The following MYH11 variants were observed in gnomAD, a reference collection of about 807,000 sequenced individuals.
MYH11 encodes myosin heavy chain 11.
A neutral mutation model predicts 246.6 loss-of-function variants in MYH11; 80 were observed. The ratio of observed to expected loss-of-function variants is 0.32; its 90% CI spans 0.27 to 0.39. The LOEUF is 0.39. Among genes scored for constraint, MYH11 ranks in the 10% least tolerant of loss-of-function variants. The pLI is 1.00. For missense variants in MYH11, 2,158 were observed against 2,546.8 expected (o/e 0.85, Z 3.29); for synonymous variants, 1,071 against 1,015.5 (o/e 1.05, Z -1.04).
Position 15,714,929 on chromosome 16 carries a change from G to T in MYH11, c.5766C>A (p.Asn1922Lys). 6.2e-7 allele frequency: 1 copy of T among 1,614,004 alleles called. No homozygotes were observed. The highest frequency in any genetic ancestry group is 8.5e-7 in the Non-Finnish European group (1 of 1,180,030). The change falls in exon 40 of 41, where the codon AAC becomes AAA. Residue 1922 changes from asparagine (N) to lysine (K), a missense_variant. Physicochemically the swap from Asn to Lys is moderately conservative, Grantham distance 94. Coordinates refer to ENST00000300036, the MANE Select transcript of MYH11 (RefSeq NM_002474.3). ...CTCACCTGAGCTTGCTCTTGAGTGC[G>T]TTCACCTCGCGGCCCATGGCCTCGT... ...ESNEAMGREVNALKSKLRRGN... is the reference protein window; with the variant it reads ...ESNEAMGREVKALKSKLRRGN...
intron 10 of MYH11, 55 bp downstream of exon 10, chr16:15,763,741 T>TCGGCCCCC: frequency 1.1e-5 from 7 of 646,844 alleles, no homozygotes; most frequent in Non-Finnish European, 1.7e-5. Flanking sequence ...AAATGTCACC[T>TCGGCCCCC]CCCCCACCCC....
chr16:15,715,134 G>C, intron 39 of MYH11, 30 bp downstream of exon 39: 2 of 1,612,448 alleles, frequency 1.2e-6, no homozygotes, highest in African/African-American at 1.3e-5. Context: ...GGGGCTGGGG[G>C]CTCGAGGGAG....
intron 3 of MYH11, among the ~76,000 whole-genome samples, chr16:15,799,574 G>A (rs2042832639): frequency 6.6e-6 from 1 of 152,182 alleles, no homozygotes; most frequent in Non-Finnish European, 1.5e-5. Context: ...ATGTGATTAA[G>A]CAGACATTAT....
At chr16:15,818,814 G>T (rs1008765196) in intron 3 of MYH11, among the ~76,000 whole-genome samples, 2 of 152,160 alleles carry the variant, frequency 1.3e-5, no homozygotes, top group Non-Finnish European at 2.9e-5. Context: ...GGCATAGCAG[G>T]TGTTGGTTAA....
At chr16:15,838,563 G>C (rs893020246) in intron 1 of MYH11, among the ~76,000 whole-genome samples, 7 of 152,136 alleles carry the variant, frequency 4.6e-5, no homozygotes, top group Non-Finnish European at 8.8e-5. Flanking sequence ...CCAGTGCTCA[G>C]GAGGCAGGAA....
chr16:15,755,451 T>C (rs1377160743), intron 14 of MYH11, among the ~76,000 whole-genome samples: 1 of 152,144 alleles, frequency 6.6e-6, no homozygotes, highest in African/African-American at 2.4e-5. Flanking sequence ...GCCCCGCCTG[T>C]TGGGTATAAC....
intron 32 of MYH11, 185 bp downstream of exon 32, chr16:15,721,237 C>A: frequency 1.1e-6 from 1 of 935,396 alleles, no homozygotes; most frequent in South Asian, 1.4e-5. Context: ...CCCCCCAACT[C>A]AGACCCATCC....
Position 15,782,327 on chromosome 16 carries a change from C to T in MYH11, c.726+58G>A, listed in dbSNP as rs2042374563. The stretch of plus-strand genomic sequence containing the variant: ...CTCTGCACGCAAACACTCTGCAGCC[C>T]CAGGCAGGAGATGACACCAAAGCTT... On this transcript the variant is annotated intron_variant, in intron 6 of 40. Coordinates refer to ENST00000300036, the MANE Select transcript of MYH11 (RefSeq NM_002474.3). 3.4e-6 allele frequency: 5 copies of T among 1,464,318 alleles called. No homozygotes were observed. In the South Asian group the frequency reaches 5.7e-5, roughly 17 times the overall value. The allele number at this position is 1,464,318 out of a possible 1,614,324, so 90.7% of individuals were successfully genotyped here.
chr16:15,712,498 A>G (rs2039860711), intron 40 of MYH11, among the ~76,000 whole-genome samples: 1 of 152,108 alleles, frequency 6.6e-6, no homozygotes, highest in Non-Finnish European at 1.5e-5. Flanking sequence ...AAATATAAAA[A>G]TAGGCCAAAA....
intron 3 of MYH11, among the ~76,000 whole-genome samples, chr16:15,817,669 A>G (rs1162078481): frequency 1.3e-5 from 2 of 152,166 alleles, no homozygotes; most frequent in African/African-American, 2.4e-5. Context: ...TCTCTTAGAA[A>G]GTCCCTCCCA....
chr16:15,824,029 G>A (rs955593084), intron 2 of MYH11, among the ~76,000 whole-genome samples: 3 of 152,136 alleles, frequency 2.0e-5, no homozygotes, highest in Non-Finnish European at 4.4e-5. Context: ...AACAGCCACC[G>A]TTCATTGAGC....
chr16:15,733,701 C>T (rs1242840104), intron 26 of MYH11, among the ~76,000 whole-genome samples: 1 of 151,844 alleles, frequency 6.6e-6, no homozygotes, highest in Non-Finnish European at 1.5e-5. Context: ...CACCACCACG[C>T]CCGGCTAATT....
intron 3 of MYH11, among the ~76,000 whole-genome samples, chr16:15,805,507 C>A (rs897020073): frequency 4.6e-5 from 7 of 152,126 alleles, no homozygotes; most frequent in Admixed American, 3.9e-4. Context: ...AAATTATGGA[C>A]TTTATTCATA....
In MYH11 at chr16:15,714,974, C is replaced by T; in HGVS notation, c.5721G>A (p.Leu1907=). Residue 1907 remains leucine (L), a synonymous_variant, in exon 40 of 41, where the codon CTG becomes CTA. Transcript: ENST00000300036. ...CCTCGTTGCTCTCCGTGGCCTCATC[C>T]AGCTCCCGCTGCAGCTTCCTGCGGT... ...NANRRKLQRE[L]DEATESNEAM... 1.2e-6 allele frequency: 2 copies of T among 1,614,108 alleles called. No individual in the cohort carries two copies. The highest frequency in any genetic ancestry group is 1.1e-5 in the South Asian group (1 of 91,080).
chr16:15,763,741 T>TCGGGGCCCC, intron 10 of MYH11, 55 bp downstream of exon 10: 8 of 646,846 alleles, frequency 1.2e-5, no homozygotes, highest in Admixed American at 2.1e-5. Flanking sequence ...AAATGTCACC[T>TCGGGGCCCC]CCCCCACCCC....
chr16:15,737,072 A>C (rs892139256), intron 25 of MYH11, among the ~76,000 whole-genome samples: 3 of 152,046 alleles, frequency 2.0e-5, no homozygotes, highest in Admixed American at 2.0e-4. Context: ...GGGCTGGGGA[A>C]AGGAAGGTCA....
At chr16:15,730,110 A>G (rs976413207) in intron 27 of MYH11, among the ~76,000 whole-genome samples, 2 of 152,002 alleles carry the variant, frequency 1.3e-5, no homozygotes, top group Non-Finnish European at 2.9e-5. Flanking sequence ...CATGTAAAAC[A>G]TGCCTGCCTC....
At chr16:15,751,953 A>C (rs768519211) in intron 15 of MYH11, among the ~76,000 whole-genome samples, 1 of 151,404 alleles carries the variant, frequency 6.6e-6, no homozygotes, top group Non-Finnish European at 1.5e-5. Flanking sequence ...CACCACGCCC[A>C]GTTAGTTTTT....
intron 5 of MYH11, chr16:15,785,007 G>GTTTTTTTTTTTTT (rs1567759451): frequency 7.4e-5 from 5 of 67,416 alleles, no homozygotes; most frequent in Non-Finnish European, 1.2e-4. Flanking sequence ...TAATTCTCTT[G>GTTTTTTTTTTTTT]ATTTTTTTTT....
Sources: allele counts gnomAD v4.1 joint callset (sites outside exome capture counted in the v4.1 genomes callset), GRCh38; gene constraint gnomAD v4.1.1; transcripts MANE v1.5; gene names NCBI Gene and HGNC (gene_info 2026-07-23, HGNC 2026-07-21).